ZBBX: variants seen among roughly 807,000 people sequenced by gnomAD.
ZBBX encodes the protein zinc finger B-box domain-containing protein 1.
A neutral mutation model predicts 108.5 loss-of-function variants in ZBBX; 101 were observed. The ratio of observed to expected loss-of-function variants is 0.93; its 90% CI spans 0.79 to 1.10. The LOEUF is 1.10. ZBBX is among the 50% of genes least tolerant of loss of function. The probability of loss-of-function intolerance (pLI) is 0.00; values close to 1 mark genes in which losing one functional copy is unlikely to be tolerated. For missense variants in ZBBX, 1,009 were observed against 941.4 expected (o/e 1.07, Z -0.94); for synonymous variants, 356 against 323.4 (o/e 1.10, Z -1.08).
intron 9 of ZBBX, among the ~76,000 whole-genome samples, chr3:167,348,439 A>AGAGAAG (rs1328055128): frequency 1.6e-4 from 1 of 6,266 alleles, no homozygotes; most frequent in Non-Finnish European, 3.2e-4. Flanking sequence ...AGAGAGAAAG[A>AGAGAAG]GAGAGAAGGA....
chr3:167,332,176 T>C (rs1285158455), intron 10 of ZBBX, among the ~76,000 whole-genome samples: 2 of 152,110 alleles, frequency 1.3e-5, no homozygotes, highest in African/African-American at 4.8e-5. Flanking sequence ...AGAGGAACAC[T>C]AAGCCTATGA....
chr3:167,283,387 T>C (rs1410222198), intron 19 of ZBBX, among the ~76,000 whole-genome samples: 1 of 152,142 alleles, frequency 6.6e-6, no homozygotes, highest in Admixed American at 6.5e-5. Context: ...AAATTATTGT[T>C]CTGATTTAGG....
At chr3:167,295,712 T>A (rs1731529181) in intron 18 of ZBBX, among the ~76,000 whole-genome samples, 1 of 2,614 alleles carries the variant, frequency 3.8e-4, no homozygotes, top group African/African-American at 1.2e-3. Flanking sequence ...AAAATTGGAA[T>A]ATATATATAT....
At chr3:167,194,872 T>C in the ZBBX span, among the ~76,000 whole-genome samples, 1 of 152,156 alleles carries the variant, frequency 6.6e-6, no homozygotes. Context: ...TTCCCTTGTA[T>C]AGGAACTTCC....
At chr3:167,269,474 A>C (rs77827016) in intron 20 of ZBBX, among the ~76,000 whole-genome samples, 2,981 of 152,248 alleles carry the variant, frequency 0.02, 111 homozygotes, top group African/African-American at 0.069. Flanking sequence ...TGCCTCATTA[A>C]ATTTACTCAC....
intron 17 of ZBBX, among the ~76,000 whole-genome samples, chr3:167,300,744 G>C (rs192559025): frequency 6.6e-6 from 1 of 151,336 alleles, no homozygotes; most frequent in Non-Finnish European, 1.5e-5. Context: ...TGAGTAGTTG[G>C]GTAGTTGGGA....
At chr3:167,294,541 T>G (rs1245215076) in intron 18 of ZBBX, among the ~76,000 whole-genome samples, 1 of 152,054 alleles carries the variant, frequency 6.6e-6, no homozygotes, top group African/African-American at 2.4e-5. Context: ...ATACAAAAAT[T>G]AACTCAAGAT....
At chr3:167,183,751 T>C in the ZBBX span, among the ~76,000 whole-genome samples, 1 of 152,208 alleles carries the variant, frequency 6.6e-6, no homozygotes, top group Non-Finnish European at 1.5e-5. Flanking sequence ...CTGCCCTGGG[T>C]GGGCCAGGTG....
At chr3:167,295,546 G>C (rs1731491045) in intron 18 of ZBBX, among the ~76,000 whole-genome samples, 1 of 151,258 alleles carries the variant, frequency 6.6e-6, no homozygotes, top group East Asian at 2.0e-4. Flanking sequence ...TGGGATAAGG[G>C]AGGGATAGCA....
chr3:167,220,477 A>G, the ZBBX span, among the ~76,000 whole-genome samples: 81 of 152,232 alleles, frequency 5.3e-4, no homozygotes, highest in Non-Finnish European at 9.7e-4. Flanking sequence ...AGAATGAAGG[A>G]CAAAAACCAT....
At chr3:167,358,793 G>A (rs149210304) in intron 8 of ZBBX, among the ~76,000 whole-genome samples, 1 of 151,596 alleles carries the variant, frequency 6.6e-6, no homozygotes, top group African/African-American at 2.4e-5. Context: ...AAAATTAGCT[G>A]GGCGTGGTGA....
In ZBBX at chr3:167,305,810, C is replaced by G. The variant is rs1733531109; in HGVS notation, c.1558G>C (p.Asp520His). 6.2e-7 allele frequency: 1 copy of G among 1,612,628 alleles called. No individual in the cohort carries two copies. The highest frequency in any genetic ancestry group is 1.7e-5 in the Admixed American group (1 of 59,812). ...CTTTCAAGTGATACACAGGAATCAT[C>G]AGACTTTTGATTACTTTCTAAACCT... ...NIGLESNQKS[D>H]DSCVSLESKD... is the part of the protein sequence containing the mutation. The change falls in exon 17 of 22, where the codon GAT (aspartate) becomes CAT (histidine). Residue 520 changes from aspartate to histidine, a missense_variant. Coordinates refer to ENST00000675490, the MANE Select transcript of ZBBX (RefSeq NM_001199201.2).
the ZBBX span, among the ~76,000 whole-genome samples, chr3:167,187,482 T>G: frequency 2.6e-5 from 4 of 152,190 alleles, no homozygotes; most frequent in African/African-American, 9.6e-5. Context: ...AGTAGAGAAG[T>G]GGTAATTTGT....
rs1737717938 is a variant in ZBBX, at chr3:167,327,976, G to A, written c.828C>T (p.Asp276=). ...LSQWRTGNHD[D]NKKQNLHAAV... ...CTGCATGTAAATTCTGTTTCTTGTT[G>A]TCATCATGATTTCCGGTTCTCCATT... The change falls in exon 11 of 22, where the codon GAC becomes GAT. Residue 276 remains aspartate, a synonymous_variant. Transcript: ENST00000675490. 1 of 1,492,154 alleles carries A rather than the reference G, an allele frequency of 6.7e-7. No individual in the cohort carries two copies. Among genetic ancestry groups the A allele is most frequent in the Admixed American group, 1.8e-5 (1 of 56,132 alleles). 92.4% of individuals were successfully genotyped at this position (1,492,154 alleles called of 1,614,324 possible).
Position 167,239,901 on chromosome 3 carries a change from C to T in ZBBX, c.*892G>A, listed in dbSNP as rs1198172233. On this transcript the variant is annotated 3_prime_UTR_variant, in exon 22 of 22. Transcript: ENST00000675490. Reference sequence around the variant, plus strand: ...CAGTTCAGCATGGTGGGGGAGGCCTCAGGAAATCATGGTGAAAGGGGAAGC... The same window carrying T: ...CAGTTCAGCATGGTGGGGGAGGCCTTAGGAAATCATGGTGAAAGGGGAAGC... 2.0e-5 allele frequency among the ~76,000 whole-genome samples: 3 copies of T among 152,060 alleles called. No homozygotes were observed. Among genetic ancestry groups the T allele is most frequent in the African/African-American group, 7.2e-5 (3 of 41,428 alleles).
chr3:167,325,376 AGG>A (rs1737180618), intron 11 of ZBBX, among the ~76,000 whole-genome samples: 1 of 152,160 alleles, frequency 6.6e-6, no homozygotes, highest in Non-Finnish European at 1.5e-5. Context: ...GAGCTTGTGC[AGG>A]GAACTCCCAT....
At chr3:167,318,335 T>C (rs1166196800) in intron 12 of ZBBX, among the ~76,000 whole-genome samples, 1 of 151,976 alleles carries the variant, frequency 6.6e-6, no homozygotes, top group Non-Finnish European at 1.5e-5. Flanking sequence ...GGATACAAAA[T>C]CTAAAATATA....
intron 17 of ZBBX, among the ~76,000 whole-genome samples, chr3:167,301,940 G>C (rs146656203): frequency 0.028 from 3,137 of 111,268 alleles, 56 homozygotes; most frequent in South Asian, 0.036. Flanking sequence ...CTGGGCAACA[G>C]AGCAAGACTC....
chr3:167,315,641 T>G lies in ZBBX; in HGVS notation c.1274+109A>C. ...AGTAAAATATACTCTGACATTAATG[T>G]CACATGTTTTTTCACACCACATATT... On this transcript the variant is annotated intron_variant, in intron 15 of 21. Transcript: ENST00000675490. 3 of 736,238 alleles carry G rather than the reference T, an allele frequency of 4.1e-6. No homozygotes were observed. In the East Asian group the frequency reaches 7.8e-5, roughly 19 times the overall value. The allele number at this position is 736,238 out of a possible 1,614,324, so 45.6% of individuals were successfully genotyped here.
Sources: gnomAD v4.1 joint callset for allele counts (sites outside exome capture counted in the v4.1 genomes callset) on GRCh38, gnomAD v4.1.1 for gene constraint, MANE v1.5 for transcripts, NCBI Gene and HGNC (gene_info 2026-07-23, HGNC 2026-07-21) for gene names.